POLA1: variants seen among roughly 807,000 people sequenced by gnomAD.
The protein encoded by POLA1 is DNA polymerase alpha 1, catalytic subunit.
In POLA1, 15 loss-of-function variants were observed where a neutral mutation model predicts 124.0. The observed-to-expected ratio is 0.12, with a 90% CI of 0.08 to 0.19. The LOEUF is 0.19. Among genes scored for constraint, POLA1 ranks in the 10% least tolerant of loss-of-function variants. The pLI, the probability that POLA1 is intolerant of heterozygous loss-of-function variation, is 1.00. For synonymous variants in POLA1, 408 were observed against 389.4 expected (o/e 1.05, Z -0.56); for missense variants, 886 against 1,103.4 (o/e 0.80, Z 2.79).
At chrX:24,758,376 GC>G (rs1002656223) in intron 26 of POLA1, among the ~76,000 whole-genome samples, 5 of 111,675 alleles carry the variant, frequency 4.5e-5, no homozygotes, top group African/African-American at 1.6e-4. Flanking sequence ...TTTCAAAATG[GC>G]TAAGATGTTA....
At chrX:24,879,119 A>T (rs918631370) in intron 34 of POLA1, among the ~76,000 whole-genome samples, 11 of 111,669 alleles carry the variant, frequency 9.9e-5, no homozygotes, top group Non-Finnish European at 1.5e-4. Flanking sequence ...TACATAGCTA[A>T]GGTGGTGGTT....
At chrX:24,841,342 G>T (rs1394273440) in intron 32 of POLA1, among the ~76,000 whole-genome samples, 1 of 112,038 alleles carries the variant, frequency 8.9e-6, no homozygotes, top group Non-Finnish European at 1.9e-5. Flanking sequence ...GATTTTAAGA[G>T]AATTTCTTAG....
intron 18 of POLA1, among the ~76,000 whole-genome samples, chrX:24,736,519 G>A (rs181609300): frequency 5.4e-5 from 6 of 111,760 alleles, no homozygotes; most frequent in Non-Finnish European, 1.1e-4. Context: ...AAGTCTATGC[G>A]TGAGAAATCT....
intron 36 of POLA1, among the ~76,000 whole-genome samples, chrX:24,995,056 C>CAA (rs774960816): frequency 2.6e-5 from 2 of 76,699 alleles, no homozygotes; most frequent in Admixed American, 1.5e-4. Context: ...ACCTCTGTCT[C>CAA]AAAAAAAAAA....
rs779845558 is a variant in POLA1 at position 24,821,515 on chromosome X, C to T, written c.3493C>T (p.Leu1165Phe). The change falls in exon 31 of 37, where the codon CTC becomes TTC. Residue 1165 changes from leucine to phenylalanine, a missense_variant. By Grantham distance (22) the Leu-to-Phe change is conservative. Around this residue, in one of 7 missense-constraint regions of POLA1, gnomAD observed 313 missense variants for 359.7 expected, o/e 0.87. Transcript: ENST00000379068. ...AAGCCTACCTCATGTACATGTTGCC[C>T]TCTGGATAAATTCTCAAGGAGGCAG... ...KKSLPHVHVA[L>F]WINSQGGRKV... The T allele has an allele frequency of 8.3e-7, 1 of 1,199,057 alleles. No individual in the cohort carries two copies. Among genetic ancestry groups the T allele is most frequent in the Admixed American group, 2.2e-5 (1 of 45,707 alleles).
At chrX:24,995,749 G>GA in intron 36 of POLA1, 56 bp from the exon 37 acceptor site, 1 of 1,045,610 alleles carries the variant, frequency 9.6e-7, no homozygotes, top group South Asian at 2.1e-5. Context: ...GTGGAATACT[G>GA]AATGTTCTTT....
chrX:24,818,463 A>G (rs1346832329), intron 30 of POLA1, among the ~76,000 whole-genome samples: 2 of 111,036 alleles, frequency 1.8e-5, no homozygotes, highest in Non-Finnish European at 3.8e-5. Context: ...TTTCCTAGGC[A>G]CTCTGCTACC....
At chrX:24,972,665 C>T (rs2048317522) in intron 36 of POLA1, among the ~76,000 whole-genome samples, 1 of 111,967 alleles carries the variant, frequency 8.9e-6, no homozygotes, top group South Asian at 3.8e-4. Flanking sequence ...AGGAAGGGGA[C>T]CAAGAGTCTG....
rs1261952553 is a variant in POLA1, at chrX:24,814,833, A to G, written c.3297-146A>G. ...AACAAATAGTAACCGCCTTTTCGAC[A>G]TTAACCCTCATATTAGCTCTTACTG... is the stretch of plus-strand genomic sequence containing the variant. On this transcript the variant is annotated intron_variant, in intron 29 of 36. Transcript: ENST00000379068. 5.9e-6 allele frequency: 3 copies of G among 506,754 alleles called. No homozygotes were observed. The African/African-American group carries it at 7.4e-5, about 12-fold the overall frequency. 41.8% of individuals were successfully genotyped at this position (506,754 alleles called of 1,213,427 possible). A position where few individuals can be genotyped will look rare whatever the true frequency, so the allele number is the denominator to read the frequency against.
chrX:24,820,571 T>C lies in POLA1; in HGVS notation c.3430-881T>C, dbSNP rs192699081. Reference sequence around the variant, plus strand: ...TTGCCCCCATTACCTTTTCTTAAAATCTTGCTTTTCCTTCTAGTGCCAGCT... The same window carrying C: ...TTGCCCCCATTACCTTTTCTTAAAACCTTGCTTTTCCTTCTAGTGCCAGCT... On this transcript the variant is annotated intron_variant, in intron 30 of 36. Coordinates refer to ENST00000379068, the MANE Select transcript of POLA1 (RefSeq NM_001330360.2). Among the ~76,000 whole-genome samples, 7 of 112,204 alleles carry C rather than the reference T, an allele frequency of 6.2e-5. No individual in the cohort carries two copies. In the East Asian group the frequency reaches 1.7e-3, roughly 27 times the overall value.
At chrX:24,959,066 T>A (rs2048140293) in intron 36 of POLA1, among the ~76,000 whole-genome samples, 1 of 111,543 alleles carries the variant, frequency 9.0e-6, no homozygotes, top group Admixed American at 9.5e-5. Context: ...GCTGTTTCTT[T>A]TACCCTCCCT....
intron 26 of POLA1, chrX:24,789,096 G>T (rs747342941): frequency 8.9e-5 from 106 of 1,188,391 alleles, no homozygotes; most frequent in Middle Eastern, 3.2e-4. Flanking sequence ...GAGAGCTGGG[G>T]AGCAGCAGAA....
intron 32 of POLA1, 70 bp downstream of exon 32, chrX:24,826,671 A>C (rs1449201565): frequency 2.9e-6 from 2 of 681,750 alleles, no homozygotes. Flanking sequence ...TTGTCTCTTG[A>C]GATCTCTGCT....
chrX:24,952,101 A>G (rs2048054163), intron 36 of POLA1, among the ~76,000 whole-genome samples: 1 of 111,760 alleles, frequency 8.9e-6, no homozygotes, highest in South Asian at 3.8e-4. Context: ...AATTGCTGAC[A>G]TTAGACCATT....
intron 26 of POLA1, among the ~76,000 whole-genome samples, chrX:24,781,885 T>A (rs1216820223): frequency 8.9e-6 from 1 of 112,056 alleles, no homozygotes; most frequent in Non-Finnish European, 1.9e-5. Context: ...TACTGAGCAT[T>A]TATGCCAATT....
In POLA1 at chrX:24,888,116, A is replaced by G. The variant is rs2047088916; in HGVS notation, c.4158A>G (p.Gln1386=). The change falls in exon 35 of 37, where the codon CAA becomes CAG. Residue 1386 remains glutamine, a synonymous_variant. Coordinates refer to ENST00000379068, the MANE Select transcript of POLA1 (RefSeq NM_001330360.2). ...LCPACMKATL[Q]PEYSDKSLYT... The stretch of plus-strand genomic sequence containing the variant: ...CAGCCTGCATGAAAGCTACACTTCA[A>G]CCAGAGGTAACAGTCTCATAATGCT... 1 of 1,128,084 alleles carries G rather than the reference A, an allele frequency of 8.9e-7. No homozygotes were observed. The highest frequency in any genetic ancestry group is 3.0e-5 in the East Asian group (1 of 33,490). The allele number at this position is 1,128,084 out of a possible 1,213,427, so 93.0% of individuals were successfully genotyped here.
At position 24,703,340 on chromosome X, in the gene POLA1, G is replaced by A; in HGVS notation, c.258G>A (p.Val86=). Residue 86 remains valine (V), a synonymous_variant, in exon 3 of 37, where the codon GTG becomes GTA. Transcript: ENST00000379068. ...VQARQDDDWI[V]DDDGIGYVED... ...CACGCCAGGATGATGACTGGATTGTGGATGATGGTAGGTGGGGCGGAGGTG... is the reference window on the plus strand; with the variant it reads ...CACGCCAGGATGATGACTGGATTGTAGATGATGGTAGGTGGGGCGGAGGTG... 1 of 1,185,764 alleles carries A rather than the reference G, an allele frequency of 8.4e-7. No individual in the cohort carries two copies. The highest frequency in any genetic ancestry group is 1.1e-6 in the Non-Finnish European group (1 of 872,680).
At chrX:24,786,092 T>C (rs1024458414) in intron 26 of POLA1, among the ~76,000 whole-genome samples, 4 of 112,619 alleles carry the variant, frequency 3.6e-5, no homozygotes, top group African/African-American at 1.3e-4. Context: ...ACATCCCACA[T>C]TTTGTTCAAC....
chrX:24,732,178 C>T (rs951832842), intron 15 of POLA1, among the ~76,000 whole-genome samples, 192 bp from the exon 16 acceptor site: 10 of 111,749 alleles, frequency 8.9e-5, no homozygotes, highest in African/African-American at 2.9e-4. Context: ...TCGTCTCGAA[C>T]TCCTGACCTC....
Sources: allele counts gnomAD v4.1 joint callset (sites outside exome capture counted in the v4.1 genomes callset), GRCh38; gene constraint gnomAD v4.1.1; regional missense constraint gnomAD v4.1.1; transcripts MANE v1.5; gene names NCBI Gene and HGNC (gene_info 2026-07-23, HGNC 2026-07-21).